Variants in RNF213 observed in about 807,000 individuals in gnomAD.
RNF213 encodes E3 ubiquitin-protein ligase RNF213.
A neutral mutation model predicts 514.4 loss-of-function variants in RNF213; 341 were observed. That is an observed-to-expected ratio of 0.66 (90% CI 0.61 to 0.73). RNF213 has a LOEUF of 0.73. RNF213 is among the 30% of genes least tolerant of loss of function. The probability of loss-of-function intolerance (pLI) is 0.00; values close to 1 mark genes in which losing one functional copy is unlikely to be tolerated. For missense variants in RNF213, 5,767 were observed against 6,615.6 expected (o/e 0.87, Z 4.45); for synonymous variants, 2,655 against 2,658.2 (o/e 1.00, Z 0.04).
chr17:80,347,395 G>T lies in RNF213; in HGVS notation c.9060G>T (p.Gln3020His), dbSNP rs144814798. 6.2e-7 allele frequency: 1 copy of T among 1,613,944 alleles called. No homozygotes were observed. Residue 3020 changes from glutamine to histidine, a missense_variant, in exon 29 of 68, where the codon CAG becomes CAT. Around this residue, in one of 13 missense-constraint regions of RNF213, gnomAD observed 919 missense variants for 1,121.0 expected, o/e 0.82. Coordinates refer to ENST00000582970, the MANE Select transcript of RNF213 (RefSeq NM_001256071.3). This position sits in a 1 kb window ranked among gnomAD's most constrained non-coding sequence, Gnocchi z 7.2. ...TCAGCCCCATGCAGCTGATCAAACAGAACATCTTTGGGCCTTCTCAGAAGG... is the reference window on the plus strand; with the variant it reads ...TCAGCCCCATGCAGCTGATCAAACATAACATCTTTGGGCCTTCTCAGAAGG... ...EEVSPMQLIK[Q>H]NIFGPSQKVP...
At chr17:80,273,430 C>T (rs752345854) in intron 3 of RNF213, 26 bp downstream of exon 3, 2 of 1,610,264 alleles carry the variant, frequency 1.2e-6, no homozygotes, top group East Asian at 2.2e-5. Flanking sequence ...CGGCTCCCCT[C>T]CGCCCCCGCT....
At chr17:80,290,542 T>C in intron 6 of RNF213, 28 bp from the exon 7 acceptor site, 1 of 1,612,846 alleles carries the variant, frequency 6.2e-7, no homozygotes, top group South Asian at 1.1e-5. Flanking sequence ...CTCACGGGAA[T>C]CAGATTTCTG....
Position 80,386,242 on chromosome 17 carries a change from G to A in RNF213, c.14540-8G>A, listed in dbSNP as rs1390458893. 2.5e-5 allele frequency: 40 copies of A among 1,605,254 alleles called. No individual in the cohort carries two copies. The highest frequency in any genetic ancestry group is 1.3e-4 in the East Asian group (6 of 44,884). Reference sequence around the variant, plus strand: ...CTCTCTGCTTAAGCATAACCCTGTCGTTTAAAGGTGAGATCAACCTACCCA... The same window carrying A: ...CTCTCTGCTTAAGCATAACCCTGTCATTTAAAGGTGAGATCAACCTACCCA... On this transcript the variant is annotated splice_polypyrimidine_tract_variant and splice_region_variant and intron_variant, in intron 61 of 67. Transcript: ENST00000582970.
intron 3 of RNF213, among the ~76,000 whole-genome samples, chr17:80,285,797 A>G (rs2044452007): frequency 6.6e-6 from 1 of 151,690 alleles, no homozygotes; most frequent in Admixed American, 6.6e-5. Flanking sequence ...CAGCCTCCCA[A>G]GTAGCTGGGA....
intron 20 of RNF213, among the ~76,000 whole-genome samples, chr17:80,331,019 A>C (rs370621924): frequency 6.6e-6 from 1 of 152,156 alleles, no homozygotes; most frequent in Non-Finnish European, 1.5e-5. Flanking sequence ...GGATTTCATC[A>C]TGTTGGCCAG....
At chr17:80,368,887 TCCTTCC>T (rs1167869504) in intron 44 of RNF213, among the ~76,000 whole-genome samples, 2 of 152,224 alleles carry the variant, frequency 1.3e-5, no homozygotes, top group East Asian at 1.9e-4. Context: ...TGGTTTTCTT[TCCTTCC>T]CCTTCCCCCC....
chr17:80,360,088 G>T lies in RNF213; in HGVS notation c.11082G>T (p.Val3694=). The T allele has an allele frequency of 1.9e-6, 3 of 1,614,076 alleles. No homozygotes were observed. The highest frequency in any genetic ancestry group is 2.5e-6 in the Non-Finnish European group (3 of 1,180,020). ...ATAAAGGTGAGATGGCCTACATCGT[G>T]GTGCAGAACCACATGAACCTTTCCG... ...ERHKGEMAYI[V]VQNHMNLSEN... Residue 3694 remains valine, a synonymous_variant, in exon 38 of 68, where the codon GTG becomes GTT. Transcript: ENST00000582970.
chr17:80,367,707 C>T, intron 42 of RNF213, 41 bp from the exon 43 acceptor site: 1 of 1,558,926 alleles, frequency 6.4e-7, no homozygotes, highest in Non-Finnish European at 8.8e-7. Context: ...CGCCCTCAGC[C>T]CTCCCCCCTG....
At chr17:80,389,763 G>A (rs1330698844) in intron 65 of RNF213, 65 bp from the exon 66 acceptor site, 7 of 1,353,278 alleles carry the variant, frequency 5.2e-6, no homozygotes, top group Admixed American at 1.7e-5. Flanking sequence ...CAGGCTCCCT[G>A]GTGCACGACA....
At chr17:80,380,415 C>G (rs532718131) in intron 55 of RNF213, among the ~76,000 whole-genome samples, 1 of 152,162 alleles carries the variant, frequency 6.6e-6, no homozygotes, top group African/African-American at 2.4e-5. Context: ...TCCTCTCTGC[C>G]GGACTTTAGA....
intron 13 of RNF213, among the ~76,000 whole-genome samples, chr17:80,308,667 C>T (rs984061723): frequency 2.6e-5 from 4 of 152,158 alleles, no homozygotes; most frequent in South Asian, 2.1e-4. Context: ...TCTCTTCCTC[C>T]CTCCTTTCTG....
intron 3 of RNF213, among the ~76,000 whole-genome samples, chr17:80,275,917 C>T (rs1484689086): frequency 1.3e-5 from 2 of 151,352 alleles, no homozygotes; most frequent in African/African-American, 4.8e-5. Context: ...CCGCCTCGGC[C>T]TCCCAGAATG....
chr17:80,389,781 G>A, intron 65 of RNF213, 47 bp from the exon 66 acceptor site: 2 of 1,499,642 alleles, frequency 1.3e-6, no homozygotes, highest in South Asian at 2.3e-5. Flanking sequence ...ACATGAGTGG[G>A]GGTGTGAGAC....
intron 3 of RNF213, among the ~76,000 whole-genome samples, chr17:80,284,673 GCAGGCGTCTCCGGCC>G (rs2044409456): frequency 1.3e-5 from 2 of 152,210 alleles, no homozygotes; most frequent in South Asian, 4.1e-4. Context: ...GAGGCTTGGT[GCAGGCGTCTCCGGCC>G]CTGTCTACTC....
chr17:80,379,643 C>T lies in RNF213; in HGVS notation c.13569C>T (p.Ser4523=), dbSNP rs1351400273. The change falls in exon 55 of 68, where the codon AGC becomes AGT. Residue 4523 remains serine (S), a synonymous_variant. Coordinates refer to ENST00000582970, the MANE Select transcript of RNF213 (RefSeq NM_001256071.3). ...AGTGTGGCAGGCCGATGGAACAGAG[C>T]ATCTGCATTGACTGCCATGCGCCGA... ...VGECGRPMEQ[S]ICIDCHAPIG... 2 of 1,614,238 alleles carry T rather than the reference C, an allele frequency of 1.2e-6. No individual in the cohort carries two copies. Among genetic ancestry groups the T allele is most frequent in the Non-Finnish European group, 8.5e-7 (1 of 1,180,038 alleles).
chr17:80,332,473 C>T lies in RNF213; in HGVS notation c.3985C>T (p.His1329Tyr). 6.5e-7 allele frequency: 1 copy of T among 1,537,100 alleles called. No individual in the cohort carries two copies. The highest frequency in any genetic ancestry group is 8.7e-7 in the Non-Finnish European group (1 of 1,146,846). Residue 1329 changes from histidine to tyrosine, a missense_variant, in exon 21 of 68, where the codon CAC (histidine) becomes TAC (tyrosine). Coordinates refer to ENST00000582970, the MANE Select transcript of RNF213 (RefSeq NM_001256071.3). ...SELKIMCTVD[H>Y]QDQRDWIKDR... ...ACTTAAGATCATGTGCACCGTGGAC[C>T]ACCAGGACCAAAGAGATTGGATCAA...
intron 15 of RNF213, among the ~76,000 whole-genome samples, chr17:80,313,442 T>TTGG (rs558482642): frequency 1.9e-3 from 22 of 11,696 alleles, no homozygotes; most frequent in Non-Finnish European, 3.6e-3. Flanking sequence ...ATGGTGATGG[T>TTGG]TGGTGGTGGT....
intron 18 of RNF213, among the ~76,000 whole-genome samples, chr17:80,327,359 G>A (rs183941195): frequency 6.6e-6 from 1 of 152,254 alleles, no homozygotes; most frequent in African/African-American, 2.4e-5. Flanking sequence ...AGTTTGCCAG[G>A]CATGGTGCTG....
intron 14 of RNF213, among the ~76,000 whole-genome samples, chr17:80,311,664 C>T (rs2045578415): frequency 6.6e-6 from 1 of 152,202 alleles, no homozygotes. Context: ...CTGCTGTGGG[C>T]TTTTCCTCTC....
Sources: gnomAD v4.1 joint callset for allele counts (sites outside exome capture counted in the v4.1 genomes callset) on GRCh38, gnomAD v4.1.1 for gene constraint, gnomAD v4.1.1 regional missense constraint, Gnocchi (gnomAD v3.1) non-coding constraint, MANE v1.5 for transcripts, NCBI Gene and HGNC (gene_info 2026-07-23, HGNC 2026-07-21) for gene names.